The following CDH19 variants were observed in gnomAD, a reference collection of about 807,000 sequenced individuals.
CDH19 encodes the protein cadherin-19.
CDH19 carries 67 observed loss-of-function variants against 64.2 expected under a neutral mutation model. The observed-to-expected ratio is 1.04, with a 90% CI of 0.86 to 1.28. The LOEUF is 1.28. Ranked by LOEUF, CDH19 falls within the 50% of genes most tolerant of loss-of-function variation. The probability of loss-of-function intolerance (pLI) is 0.00; values close to 1 mark genes in which losing one functional copy is unlikely to be tolerated. For missense variants in CDH19, 1,030 were observed against 929.0 expected, an observed-to-expected ratio of 1.11 and a Z score of -1.41; for synonymous variants, 346 against 319.3, an observed-to-expected ratio of 1.08 and a Z score of -0.89.
intron 1 of CDH19, among the ~76,000 whole-genome samples, chr18:66,589,375 G>A (rs1423096943): frequency 6.6e-6 from 1 of 151,378 alleles, no homozygotes; most frequent in African/African-American, 2.4e-5. Flanking sequence ...TTATTTCTTT[G>A]TTCTTATGCT....
chr18:66,548,841 G>A lies in CDH19; in HGVS notation c.775+2253C>T, dbSNP rs1202529006. On this transcript the variant is annotated intron_variant, in intron 5 of 11. Coordinates refer to ENST00000262150, the MANE Select transcript of CDH19 (RefSeq NM_021153.4). ...TAGCTAAGTATGGAAGTGAAGGCAA[G>A]AAAGTGTTTTTGTTTTGTCTTGTTT... Among the ~76,000 whole-genome samples the A allele has an allele frequency of 3.3e-5, 5 of 152,178 alleles. No individual in the cohort carries two copies. In the East Asian group the frequency reaches 9.6e-4, roughly 29 times the overall value.
At chr18:66,589,747 T>C (rs1044740901) in intron 1 of CDH19, among the ~76,000 whole-genome samples, 1 of 151,930 alleles carries the variant, frequency 6.6e-6, no homozygotes. Context: ...ACTAAAGTCA[T>C]GCACTTTGTT....
chr18:66,531,454 T>G (rs551390666), intron 8 of CDH19, among the ~76,000 whole-genome samples: 8 of 152,010 alleles, frequency 5.3e-5, no homozygotes, highest in African/African-American at 1.9e-4. Context: ...TCATCTCTAC[T>G]AAAAATCCAA....
intron 1 of CDH19, among the ~76,000 whole-genome samples, chr18:66,582,462 G>GAT (rs2144605947): frequency 6.6e-6 from 1 of 151,982 alleles, no homozygotes; most frequent in Admixed American, 6.6e-5. Flanking sequence ...AATGTGAGTG[G>GAT]ATACAGTTTG....
intron 1 of CDH19, among the ~76,000 whole-genome samples, chr18:66,590,350 C>G (rs188474777): frequency 1.3e-5 from 2 of 151,696 alleles, no homozygotes; most frequent in Admixed American, 1.3e-4. Context: ...AGTATATGTT[C>G]TATTATGTTG....
At chr18:66,546,085 G>A (rs1178836099) in intron 5 of CDH19, among the ~76,000 whole-genome samples, 1 of 151,928 alleles carries the variant, frequency 6.6e-6, no homozygotes, top group Non-Finnish European at 1.5e-5. Context: ...CAGCAAACAT[G>A]CAATATTTTA....
chr18:66,545,364 TTC>T (rs1022883093), intron 5 of CDH19, among the ~76,000 whole-genome samples: 5 of 151,974 alleles, frequency 3.3e-5, no homozygotes, highest in African/African-American at 1.2e-4. Context: ...TCTTTATTTG[TTC>T]TCTTTTTTCT....
intron 1 of CDH19, among the ~76,000 whole-genome samples, chr18:66,573,345 T>G (rs1276783985): frequency 6.6e-6 from 1 of 151,624 alleles, no homozygotes; most frequent in Non-Finnish European, 1.5e-5. Context: ...CTTAGAGATT[T>G]TTTAGGTCTT....
chr18:66,518,481 G>T (rs895249929), intron 9 of CDH19, among the ~76,000 whole-genome samples: 1 of 151,940 alleles, frequency 6.6e-6, no homozygotes, highest in Admixed American at 6.6e-5. Context: ...TGATCCTCTC[G>T]CCTAGGCCTC....
At chr18:66,556,407 T>C (rs1324553387) in intron 3 of CDH19, among the ~76,000 whole-genome samples, 1 of 151,762 alleles carries the variant, frequency 6.6e-6, no homozygotes, top group Admixed American at 6.6e-5. Flanking sequence ...TTGTATTCTT[T>C]GACTTACATA....
At chr18:66,573,915 A>ACACACG (rs1230400850) in intron 1 of CDH19, among the ~76,000 whole-genome samples, 1 of 151,096 alleles carries the variant, frequency 6.6e-6, no homozygotes, top group Non-Finnish European at 1.5e-5. Flanking sequence ...ACACACACAC[A>ACACACG]CACACACAAG....
At chr18:66,584,609 A>C (rs1988522410) in intron 1 of CDH19, among the ~76,000 whole-genome samples, 1 of 152,068 alleles carries the variant, frequency 6.6e-6, no homozygotes, top group Admixed American at 6.6e-5. Context: ...ACGAATGCTC[A>C]TTGCAGCACT....
Position 66,535,107 on chromosome 18 carries a change from C to T in CDH19, c.1215G>A (p.Arg405=), listed in dbSNP as rs752113252. The change falls in exon 8 of 12, where the codon AGG becomes AGA. Residue 405 remains arginine (R), a splice_region_variant and synonymous_variant. Coordinates refer to ENST00000262150, the MANE Select transcript of CDH19 (RefSeq NM_021153.4). ...TDPDNRKSPI[R]YSITRSKVFN... ...ACACTTTGCTCCTAGTAATAGAATA[C>T]CTGAACCAAAAGGAAAGTATACCTT... 2 of 1,450,944 alleles carry T rather than the reference C, an allele frequency of 1.4e-6. No homozygotes were observed. Among genetic ancestry groups the T allele is most frequent in the South Asian group, 2.9e-5 (2 of 68,424 alleles). The allele number at this position is 1,450,944 out of a possible 1,614,324, so 89.9% of individuals were successfully genotyped here.
intron 5 of CDH19, among the ~76,000 whole-genome samples, chr18:66,549,289 C>T (rs1599005579): frequency 6.6e-6 from 1 of 152,016 alleles, no homozygotes; most frequent in East Asian, 1.9e-4. Flanking sequence ...GATATTTTAT[C>T]GCAGCAAGTT....
At position 66,572,089 on chromosome 18, in the gene CDH19, A is replaced by G. The variant is rs1290920777; in HGVS notation, c.116T>C (p.Leu39Ser). 1 of 1,611,508 alleles carries G rather than the reference A, an allele frequency of 6.2e-7. No individual in the cohort carries two copies. The highest frequency in any genetic ancestry group is 8.5e-7 in the Non-Finnish European group (1 of 1,178,422). ...KKVKQPVRSH[L>S]RVKRGWVWNQ... is the part of the protein sequence containing the mutation. ...CCACACCCAGCCACGCTTCACTCTC[A>G]AATGAGATCGCACTGGCTGCTTGAC... Residue 39 changes from leucine to serine, a missense_variant, in exon 2 of 12, where the codon TTG becomes TCG. Leu to Ser is a moderately radical substitution (Grantham distance 145). Coordinates refer to ENST00000262150, the MANE Select transcript of CDH19 (RefSeq NM_021153.4).
intron 8 of CDH19, 58 bp from the exon 9 acceptor site, chr18:66,530,024 G>A: frequency 1.1e-6 from 1 of 895,998 alleles, no homozygotes; most frequent in Non-Finnish European, 1.6e-6. Flanking sequence ...CTTTAGAAGA[G>A]ACATCATTAA....
At chr18:66,525,117 C>T (rs1986170338) in intron 9 of CDH19, among the ~76,000 whole-genome samples, 1 of 152,010 alleles carries the variant, frequency 6.6e-6, no homozygotes, top group African/African-American at 2.4e-5. Context: ...ATTAACTGTT[C>T]CTTATGTTTA....
intron 1 of CDH19, among the ~76,000 whole-genome samples, chr18:66,588,198 G>A (rs1049120905): frequency 5.4e-4 from 82 of 152,210 alleles, no homozygotes; most frequent in African/African-American, 1.8e-3. Flanking sequence ...GTCTGAGTGA[G>A]TGTGACCATG....
At chr18:66,528,723 TA>T (rs993875090) in intron 9 of CDH19, among the ~76,000 whole-genome samples, 6 of 152,128 alleles carry the variant, frequency 3.9e-5, no homozygotes, top group Non-Finnish European at 7.4e-5. Context: ...ACCTATTTCT[TA>T]AGATATGAGT....
Sources: allele counts gnomAD v4.1 joint callset (sites outside exome capture counted in the v4.1 genomes callset), GRCh38; gene constraint gnomAD v4.1.1; transcripts MANE v1.5; gene names NCBI Gene and HGNC (gene_info 2026-07-23, HGNC 2026-07-21).